Variants in RORC observed in about 807,000 individuals in gnomAD.
RORC encodes nuclear receptor ROR-gamma.
In RORC, 13 loss-of-function variants were observed where a neutral mutation model predicts 64.5. That is an observed-to-expected ratio of 0.20 (90% CI 0.13 to 0.32). The LOEUF (loss-of-function observed/expected upper bound fraction) is 0.32. Ranked by LOEUF, RORC falls within the 10% of genes least tolerant of loss-of-function variation. The pLI, the probability that RORC is intolerant of heterozygous loss-of-function variation, is 1.00. For missense variants in RORC, 468 were observed against 669.5 expected, an observed-to-expected ratio of 0.70 and a Z score of 3.32; for synonymous variants, 277 against 259.3, an observed-to-expected ratio of 1.07 and a Z score of -0.65.
At chr1:151,808,557 T>TC (rs1007548318) in intron 10 of RORC, among the ~76,000 whole-genome samples, 3 of 152,292 alleles carry the variant, frequency 2.0e-5, no homozygotes, top group Admixed American at 6.5e-5. Context: ...TTCTCTCTCT[T>TC]CCTCACCACT....
chr1:151,814,625 C>A lies in RORC; in HGVS notation c.882G>T (p.Arg294=). The A allele has an allele frequency of 6.2e-7, 1 of 1,612,606 alleles. No homozygotes were observed. The highest frequency in any genetic ancestry group is 8.5e-7 in the Non-Finnish European group (1 of 1,179,348). ...TCQLRLEDLL[R]QRSNIFSREE... is the part of the protein sequence containing the mutation. ...CCCGGGAGAAGATGTTGGAGCGCTGCCGCAGCAGGTCCTCCAGCCGCAGCT... is the reference window on the plus strand; with the variant it reads ...CCCGGGAGAAGATGTTGGAGCGCTGACGCAGCAGGTCCTCCAGCCGCAGCT... The change falls in exon 6 of 11, where the codon CGG becomes CGT. Residue 294 remains arginine (R), a synonymous_variant. Transcript: ENST00000318247.
At chr1:151,826,738 A>C (rs1158225343) in intron 2 of RORC, among the ~76,000 whole-genome samples, 1 of 152,246 alleles carries the variant, frequency 6.6e-6, no homozygotes. Context: ...CACCATCATC[A>C]TACTCATAAT....
intron 2 of RORC, among the ~76,000 whole-genome samples, chr1:151,827,368 G>T (rs1558170922): frequency 6.6e-6 from 1 of 152,126 alleles, no homozygotes; most frequent in Admixed American, 6.5e-5. Context: ...TCTCTGGAGT[G>T]TTTTTTGGCC....
intron 3 of RORC, 141 bp from the exon 4 acceptor site, chr1:151,816,946 A>G: frequency 1.0e-6 from 1 of 988,232 alleles, no homozygotes; most frequent in Non-Finnish European, 1.4e-6. Flanking sequence ...CTATTTGTGT[A>G]ATTGCAATTT....
chr1:151,831,579 C>T lies in RORC; in HGVS notation c.40+146G>A, dbSNP rs1051496927. 13 of 1,514,988 alleles carry T rather than the reference C, an allele frequency of 8.6e-6. No homozygotes were observed. The African/African-American group carries it at 1.5e-4, about 18-fold the overall frequency. The allele number at this position is 1,514,988 out of a possible 1,614,324, so 93.8% of individuals were successfully genotyped here. A position where few individuals can be genotyped will look rare whatever the true frequency, so the allele number is the denominator to read the frequency against. On this transcript the variant is annotated intron_variant, in intron 1 of 10. Transcript: ENST00000318247. ...CCTCCTCCTGTTTCTCCTCCAGTTT[C>T]ACTCCCTGCCAACCCAGGGCTTTCT...
intron 3 of RORC, 39 bp from the exon 4 acceptor site, chr1:151,816,844 G>C (rs1651773507): frequency 6.7e-7 from 1 of 1,485,624 alleles, no homozygotes; most frequent in Admixed American, 2.3e-5. Context: ...GCTTATCCTG[G>C]TCAGGCCCAG....
chr1:151,807,541 G>A lies in RORC; in HGVS notation c.1488C>T (p.Ala496=), dbSNP rs781238253. The change falls in exon 11 of 11, where the codon GCC becomes GCT. Residue 496 remains alanine (A), a synonymous_variant. Coordinates refer to ENST00000318247, the MANE Select transcript of RORC (RefSeq NM_005060.4). This position sits in a 1 kb window ranked among gnomAD's most constrained non-coding sequence, Gnocchi z 5.0. The stretch of plus-strand genomic sequence containing the variant: ...GCTCCTTGTAGAGTGGAGGGAAAGC[G>A]GCTTGGACCACGATGGGGTGGAGGT... ...FQHLHPIVVQ[A]AFPPLYKELF... is the part of the protein sequence containing the mutation. 2.1e-5 allele frequency: 34 copies of A among 1,614,164 alleles called. No individual in the cohort carries two copies. The highest frequency in any genetic ancestry group is 1.8e-4 in the East Asian group (8 of 44,886).
rs1652353174 is a variant in RORC at position 151,830,301 on chromosome 1, A to G, written c.41-843T>C. Among the ~76,000 whole-genome samples, 1 of 151,656 alleles carries G rather than the reference A, an allele frequency of 6.6e-6. No individual in the cohort carries two copies. Among genetic ancestry groups the G allele is most frequent in the African/African-American group, 2.4e-5 (1 of 41,324 alleles). On this transcript the variant is annotated intron_variant, in intron 1 of 10. Transcript: ENST00000318247. This position sits in a 1 kb window ranked among gnomAD's most constrained non-coding sequence, Gnocchi z 4.0. The stretch of plus-strand genomic sequence containing the variant: ...GCATGAGTGGGTCGATGGGGGTCAC[A>G]TGGATACTCGGACCTCCAGGGGGAG...
At position 151,815,013 on chromosome 1, in the gene RORC, C is replaced by T. The variant is rs144219320; in HGVS notation, c.711G>A (p.Arg237=). The change falls in exon 5 of 11, where the codon AGG becomes AGA. Residue 237 remains arginine, a synonymous_variant. Coordinates refer to ENST00000318247, the MANE Select transcript of RORC (RefSeq NM_005060.4). ...DRCGLRFEEH[R]HPGLGELGQG... ...GTCCCAGTTCCCCAAGCCCAGGATG[C>T]CTGTGTTCCTCAAAACGAAGTCCAC... 2.4e-5 allele frequency: 39 copies of T among 1,614,228 alleles called. No homozygotes were observed. The African/African-American group carries it at 3.7e-4, about 15-fold the overall frequency.
At chr1:151,813,811 C>T (rs1651636670) in intron 6 of RORC, 191 bp from the exon 7 acceptor site, 1 of 607,908 alleles carries the variant, frequency 1.6e-6, no homozygotes, top group Non-Finnish European at 2.8e-6. Context: ...CACTGAGCAC[C>T]TACCGGCTGC....
chr1:151,831,645 C>A (rs570413955), intron 1 of RORC, 80 bp downstream of exon 1: 2 of 1,607,054 alleles, frequency 1.2e-6, no homozygotes, highest in Admixed American at 1.7e-5. Context: ...TCACTTCTTG[C>A]CCAGTCTCTT....
chr1:151,821,360 C>T (rs928561749), intron 2 of RORC, among the ~76,000 whole-genome samples: 3 of 152,222 alleles, frequency 2.0e-5, no homozygotes, highest in Non-Finnish European at 4.4e-5. Context: ...CCGGGGTCCT[C>T]ATCTCCTCCT....
At chr1:151,826,358 G>A (rs1652197028) in intron 2 of RORC, among the ~76,000 whole-genome samples, 3 of 152,202 alleles carry the variant, frequency 2.0e-5, no homozygotes, top group Admixed American at 2.0e-4. Flanking sequence ...CGAGCCTGAA[G>A]CCAAATTTCT....
chr1:151,816,157 A>G (rs1426161593), intron 4 of RORC, among the ~76,000 whole-genome samples: 1 of 152,056 alleles, frequency 6.6e-6, no homozygotes, highest in Non-Finnish European at 1.5e-5. Context: ...ACTGGTGAGG[A>G]GGTGGTGGGT....
At chr1:151,813,721 G>T in intron 6 of RORC, 101 bp from the exon 7 acceptor site, 1 of 1,316,180 alleles carries the variant, frequency 7.6e-7, no homozygotes, top group South Asian at 1.4e-5. Context: ...GGTAGGCTCT[G>T]AACTCCTATG....
Position 151,813,623 on chromosome 1 carries a change from G to T in RORC, c.934-3C>A. Reference sequence around the variant, plus strand: ...CGTTCCCACATCTCCCACATGGACTGCAGGGAGGGAGGAGGGTCCCGCTGT... The same window carrying T: ...CGTTCCCACATCTCCCACATGGACTTCAGGGAGGGAGGAGGGTCCCGCTGT... On this transcript the variant is annotated splice_region_variant and splice_polypyrimidine_tract_variant and intron_variant, in intron 6 of 10. Transcript: ENST00000318247. The T allele has an allele frequency of 1.2e-6, 2 of 1,614,156 alleles. No individual in the cohort carries two copies. Among genetic ancestry groups the T allele is most frequent in the Non-Finnish European group, 1.7e-6 (2 of 1,180,014 alleles).
rs778069722 is a variant in RORC, at chr1:151,815,154, C to T, written c.570G>A (p.Leu190=). ...AGGCCCCATTGAGCCCTGCCTTGGC[C>T]AAGTTGTTGGAATATGAGGGCCCAG... is the stretch of plus-strand genomic sequence containing the variant. ...SGSGPSYSNN[L]AKAGLNGASC... is the part of the protein sequence containing the mutation. Residue 190 remains leucine (L), a synonymous_variant, in exon 5 of 11, where the codon TTG becomes TTA. Transcript: ENST00000318247. 18 of 1,613,916 alleles carry T rather than the reference C, an allele frequency of 1.1e-5. No individual in the cohort carries two copies. Among genetic ancestry groups the T allele is most frequent in the East Asian group, 2.2e-5 (1 of 44,894 alleles).
rs571842602 is a variant in RORC at position 151,817,657 on chromosome 1, G to A, written c.71-377C>T. 1.1e-3 allele frequency among the ~76,000 whole-genome samples: 171 copies of A among 152,266 alleles called. 1 individual carries two copies. The Middle Eastern group carries it at 0.031, about 27-fold the overall frequency. On this transcript the variant is annotated intron_variant, in intron 2 of 10. Transcript: ENST00000318247. ...CACGGCCTCACAACACCTGCTTCCC[G>A]CCGAAGGGGCTTCCTCTGTGCCTCC...
rs569373396 is a variant in RORC, at chr1:151,831,143, GA to G, written c.40+581del. 38 of 1,269,224 alleles carry G rather than the reference GA, an allele frequency of 3.0e-5. No homozygotes were observed. The African/African-American group carries it at 4.4e-4, about 15-fold the overall frequency. 78.6% of individuals were successfully genotyped at this position (1,269,224 alleles called of 1,614,324 possible). ...AGTGCCCCACATTCTCTGCAGAGATGAAATCCCACATCCCTGGGTGAGTGGC... is the reference window on the plus strand; with the variant it reads ...AGTGCCCCACATTCTCTGCAGAGATGAATCCCACATCCCTGGGTGAGTGGC... On this transcript the variant is annotated intron_variant, in intron 1 of 10. Transcript: ENST00000318247.
Sources: allele counts gnomAD v4.1 joint callset (sites outside exome capture counted in the v4.1 genomes callset), GRCh38; gene constraint gnomAD v4.1.1; non-coding constraint Gnocchi (gnomAD v3.1); transcripts MANE v1.5; gene names NCBI Gene and HGNC (gene_info 2026-07-23, HGNC 2026-07-21).